The following IQGAP2 variants were observed in gnomAD, a reference collection of about 807,000 sequenced individuals.
IQGAP2 encodes IQ motif containing GTPase activating protein 2.
Under a neutral mutation model 201.3 loss-of-function variants are expected in IQGAP2, and 173 were observed. That is an observed-to-expected ratio of 0.86 (90% CI 0.76 to 0.98). The LOEUF is 0.98. IQGAP2 is among the 50% of genes least tolerant of loss of function. The pLI is 0.00. For missense variants in IQGAP2, 1,687 were observed against 1,864.8 expected, an observed-to-expected ratio of 0.90 and a Z score of 1.76; for synonymous variants, 675 against 673.9, an observed-to-expected ratio of 1.00 and a Z score of -0.03.
At chr5:76,543,837 G>A (rs112952313) in intron 2 of IQGAP2, among the ~76,000 whole-genome samples, 2,650 of 152,056 alleles carry the variant, frequency 0.017, 74 homozygotes, top group African/African-American at 0.06. Context: ...TTTTGTTTTT[G>A]TTTTGTCAGG....
chr5:76,462,611 T>C (rs1754526696), intron 2 of IQGAP2, among the ~76,000 whole-genome samples: 1 of 152,184 alleles, frequency 6.6e-6, no homozygotes, highest in Admixed American at 6.5e-5. Context: ...GACAAAGATA[T>C]GTTCCAGCCC....
chr5:76,627,540 T>G (rs1750354354), intron 14 of IQGAP2, 40 bp downstream of exon 14: 2 of 1,119,452 alleles, frequency 1.8e-6, no homozygotes, highest in Admixed American at 3.6e-5. Context: ...CTTGCCTTTT[T>G]GGATTTGGTT....
chr5:76,701,490 G>C (rs1025369376), intron 34 of IQGAP2, among the ~76,000 whole-genome samples: 1 of 152,194 alleles, frequency 6.6e-6, no homozygotes, highest in African/African-American at 2.4e-5. Context: ...AGAGTAAAAG[G>C]CTGTCTTTTG....
intron 2 of IQGAP2, among the ~76,000 whole-genome samples, chr5:76,479,517 C>T (rs568335919): frequency 6.6e-6 from 1 of 152,294 alleles, no homozygotes; most frequent in South Asian, 2.1e-4. Flanking sequence ...TCCTCTGTTA[C>T]TCACAGACAT....
At chr5:76,522,123 G>A (rs1331351960) in intron 2 of IQGAP2, among the ~76,000 whole-genome samples, 2 of 152,054 alleles carry the variant, frequency 1.3e-5, no homozygotes, top group Non-Finnish European at 2.9e-5. Flanking sequence ...AAACAAAGCT[G>A]GGCCACATTG....
chr5:76,706,247 G>A (rs961917395), intron 35 of IQGAP2, among the ~76,000 whole-genome samples: 7 of 152,038 alleles, frequency 4.6e-5, no homozygotes, highest in African/African-American at 1.7e-4. Context: ...ATAGAAATAG[G>A]AGTTCTAATA....
chr5:76,546,420 G>A (rs1028679776), intron 2 of IQGAP2, among the ~76,000 whole-genome samples: 5 of 152,130 alleles, frequency 3.3e-5, no homozygotes, highest in Admixed American at 3.3e-4. Context: ...GAGGGACAGA[G>A]TGGGACTCCA....
intron 10 of IQGAP2, among the ~76,000 whole-genome samples, chr5:76,598,361 G>T (rs1009518911): frequency 6.6e-6 from 1 of 152,090 alleles, no homozygotes; most frequent in South Asian, 2.1e-4. Context: ...GACAGTCATT[G>T]GATCTTTAAA....
At chr5:76,665,668 A>AT (rs1350458429) in intron 22 of IQGAP2, among the ~76,000 whole-genome samples, 3 of 152,134 alleles carry the variant, frequency 2.0e-5, no homozygotes, top group African/African-American at 7.2e-5. Context: ...TCAAAATAAT[A>AT]TTTCTTTTTT....
intron 10 of IQGAP2, among the ~76,000 whole-genome samples, chr5:76,598,569 G>C (rs909368390): frequency 6.6e-6 from 1 of 152,182 alleles, no homozygotes; most frequent in Admixed American, 6.5e-5. Flanking sequence ...TTAACCCAGC[G>C]TAGGGATAGA....
chr5:76,456,142 T>C (rs1361958721), intron 1 of IQGAP2, among the ~76,000 whole-genome samples: 5 of 152,208 alleles, frequency 3.3e-5, no homozygotes, highest in Non-Finnish European at 7.3e-5. Flanking sequence ...TAAGCACCTA[T>C]TATTTCTTTT....
At chr5:76,648,295 T>G (rs926033136) in intron 17 of IQGAP2, among the ~76,000 whole-genome samples, 1 of 152,180 alleles carries the variant, frequency 6.6e-6, no homozygotes, top group African/African-American at 2.4e-5. Flanking sequence ...TTTGTTTATA[T>G]AGACAGAAAC....
intron 8 of IQGAP2, 107 bp downstream of exon 8, chr5:76,590,693 C>T: frequency 1.2e-6 from 1 of 814,628 alleles, no homozygotes; most frequent in Non-Finnish European, 1.9e-6. Flanking sequence ...TGGCTATTTT[C>T]TCTATAGCCG....
chr5:76,611,160 C>CATG lies in IQGAP2; in HGVS notation c.1499_1501dup (p.His500_Ala501insAsp). The CATG allele has an allele frequency of 1.2e-6, 2 of 1,609,174 alleles. No individual in the cohort carries two copies. The highest frequency in any genetic ancestry group is 1.7e-6 in the Non-Finnish European group (2 of 1,178,658). ...CCAGCACTACCAGGATGTTTTATACCATGCTAAATCACAGAAACTCGGAGT... is the reference window on the plus strand; with the variant it reads ...CCAGCACTACCAGGATGTTTTATACCATGATGCTAAATCACAGAAACTCGGAGT... On this transcript the variant is annotated inframe_insertion, in exon 13 of 36. Transcript: ENST00000274364.
intron 2 of IQGAP2, among the ~76,000 whole-genome samples, chr5:76,531,916 G>A (rs376262998): frequency 4.6e-5 from 7 of 152,088 alleles, no homozygotes; most frequent in African/African-American, 1.2e-4. Context: ...TGGTAGATTC[G>A]GTATCTGGTG....
chr5:76,569,331 G>C (rs1052641846), intron 3 of IQGAP2, among the ~76,000 whole-genome samples: 1 of 151,944 alleles, frequency 6.6e-6, no homozygotes, highest in Non-Finnish European at 1.5e-5. Context: ...TTATTCCATT[G>C]TGTGAATGCA....
chr5:76,540,922 T>C lies in IQGAP2; in HGVS notation c.147-21474T>C, dbSNP rs75476743. Among the ~76,000 whole-genome samples, 1,174 of 152,328 alleles carry C rather than the reference T, an allele frequency of 7.7e-3. 23 individuals are homozygous for C. The highest frequency in any genetic ancestry group is 0.027 in the African/African-American group (1,127 of 41,566). The stretch of plus-strand genomic sequence containing the variant: ...TCGAATGAGTGATAGTGCTTATTCC[T>C]GTATTGATTGCAGAAAAAGCCATCA... On this transcript the variant is annotated intron_variant, in intron 2 of 35. Transcript: ENST00000274364.
At chr5:76,513,714 G>A (rs1758129708) in intron 2 of IQGAP2, among the ~76,000 whole-genome samples, 1 of 152,176 alleles carries the variant, frequency 6.6e-6, no homozygotes, top group South Asian at 2.1e-4. Context: ...AGGGGAGGGA[G>A]GGATGAATAG....
In IQGAP2 at chr5:76,638,248, G is replaced by A. The variant is rs139290257; in HGVS notation, c.1923+1072G>A. Among the ~76,000 whole-genome samples the A allele has an allele frequency of 4.1e-3, 619 of 152,164 alleles. 5 individuals carry two copies. Among genetic ancestry groups the A allele is most frequent in the African/African-American group, 0.014 (589 of 41,514 alleles). On this transcript the variant is annotated intron_variant, in intron 16 of 35. Transcript: ENST00000274364. ...ACAAAAATTAGCTGGGCATGGTGGC[G>A]GGCACCTGTAATCCCAGCTACTTGG...
Sources: allele counts gnomAD v4.1 joint callset (sites outside exome capture counted in the v4.1 genomes callset), GRCh38; gene constraint gnomAD v4.1.1; transcripts MANE v1.5; gene names NCBI Gene and HGNC (gene_info 2026-07-23, HGNC 2026-07-21).